MKLN1: variants seen among roughly 807,000 people sequenced by gnomAD.
The protein encoded by MKLN1 is muskelin.
MKLN1 carries 18 observed loss-of-function variants against 99.0 expected under a neutral mutation model. The ratio of observed to expected loss-of-function variants is 0.18; its 90% CI spans 0.13 to 0.27. The LOEUF (loss-of-function observed/expected upper bound fraction) is 0.27. MKLN1 is among the 10% of genes least tolerant of loss of function. MKLN1 has a pLI of 1.00. For missense variants in MKLN1, 621 were observed against 875.9 expected (o/e 0.71, Z 3.67); for synonymous variants, 288 against 293.2 (o/e 0.98, Z 0.18).
At chr7:131,340,801 A>G (rs1020904284) in intron 1 of MKLN1, among the ~76,000 whole-genome samples, 9 of 152,160 alleles carry the variant, frequency 5.9e-5, no homozygotes, top group Non-Finnish European at 2.9e-5. Flanking sequence ...TACTGGCCAT[A>G]TTCAGAATGT....
At chr7:131,307,106 C>T (rs1391549174) in intron 3 of MKLN1, among the ~76,000 whole-genome samples, 1 of 151,876 alleles carries the variant, frequency 6.6e-6, no homozygotes, top group Non-Finnish European at 1.5e-5. Flanking sequence ...CTAAAAGGGG[C>T]CAAGGTACAG....
chr7:131,121,446 G>A (rs1795367394), intron 1 of MKLN1, among the ~76,000 whole-genome samples: 2 of 151,888 alleles, frequency 1.3e-5, no homozygotes, highest in Admixed American at 6.6e-5. Flanking sequence ...CCTCCATCCT[G>A]GTGAACACGG....
chr7:131,270,440 C>A (rs1457330945), intron 3 of MKLN1, among the ~76,000 whole-genome samples: 1 of 152,180 alleles, frequency 6.6e-6, no homozygotes, highest in African/African-American at 2.4e-5. Flanking sequence ...AGGCTTGTCT[C>A]GAACTCCTGA....
chr7:131,305,018 C>T (rs932382111), intron 3 of MKLN1, among the ~76,000 whole-genome samples: 3 of 152,170 alleles, frequency 2.0e-5, no homozygotes, highest in Non-Finnish European at 4.4e-5. Context: ...CATCCGTCCC[C>T]TCTGGAGGAT....
intron 3 of MKLN1, among the ~76,000 whole-genome samples, chr7:131,286,600 A>G (rs1210057491): frequency 6.6e-6 from 1 of 152,208 alleles, no homozygotes; most frequent in Non-Finnish European, 1.5e-5. Context: ...CAGATGGACA[A>G]ATGGAAGGTT....
intron 1 of MKLN1, among the ~76,000 whole-genome samples, chr7:131,349,412 G>A (rs570417241): frequency 6.6e-6 from 1 of 152,238 alleles, no homozygotes; most frequent in African/African-American, 2.4e-5. Flanking sequence ...GACCAGGATG[G>A]TCTCTATCTG....
chr7:131,126,366 C>A (rs1478500256), intron 1 of MKLN1, among the ~76,000 whole-genome samples: 2 of 152,152 alleles, frequency 1.3e-5, no homozygotes, highest in African/African-American at 2.4e-5. Context: ...TTGAATGGGG[C>A]AGACTGTCAT....
At chr7:131,392,571 A>AGG (rs1794226133) in intron 4 of MKLN1, among the ~76,000 whole-genome samples, 1 of 151,630 alleles carries the variant, frequency 6.6e-6, no homozygotes, top group African/African-American at 2.4e-5. Flanking sequence ...CAGAATAGTT[A>AGG]ATCTTGAATT....
intron 2 of MKLN1, among the ~76,000 whole-genome samples, chr7:131,166,716 G>A (rs1472372511): frequency 2.6e-5 from 4 of 151,998 alleles, no homozygotes; most frequent in South Asian, 2.1e-4. Context: ...ACAGAGTTTC[G>A]CTCTTGTTGC....
chr7:131,240,707 T>C (rs1010437226), intron 3 of MKLN1, among the ~76,000 whole-genome samples: 1 of 152,162 alleles, frequency 6.6e-6, no homozygotes, highest in African/African-American at 2.4e-5. Context: ...TTATGGCAAA[T>C]AATATTAATA....
intron 6 of MKLN1, among the ~76,000 whole-genome samples, chr7:131,404,784 A>G (rs1794652617): frequency 6.6e-6 from 1 of 151,474 alleles, no homozygotes; most frequent in African/African-American, 2.4e-5. Context: ...TTTTGTAGAG[A>G]TGGGGTTTTG....
At chr7:131,368,954 A>C (rs1800262242) in intron 1 of MKLN1, among the ~76,000 whole-genome samples, 1 of 152,082 alleles carries the variant, frequency 6.6e-6, no homozygotes, top group Non-Finnish European at 1.5e-5. Flanking sequence ...TACTTACTTT[A>C]TATAATTTGA....
intron 2 of MKLN1, among the ~76,000 whole-genome samples, chr7:131,166,234 A>T (rs1218290931): frequency 6.6e-6 from 1 of 152,166 alleles, no homozygotes; most frequent in Non-Finnish European, 1.5e-5. Context: ...GTAAAAGATT[A>T]CTATGGTTTT....
At chr7:131,447,712 A>G (rs529504703) in intron 12 of MKLN1, among the ~76,000 whole-genome samples, 10 of 152,334 alleles carry the variant, frequency 6.6e-5, no homozygotes, top group Admixed American at 2.0e-4. Flanking sequence ...ACAGTCTCTC[A>G]AAGTGCTTAT....
chr7:131,219,715 T>C (rs1394832202), intron 3 of MKLN1, among the ~76,000 whole-genome samples: 1 of 152,158 alleles, frequency 6.6e-6, no homozygotes, highest in East Asian at 1.9e-4. Context: ...GTAATTAGCA[T>C]GGATTTGCAA....
At chr7:131,334,654 A>AT (rs1342968362) in intron 1 of MKLN1, among the ~76,000 whole-genome samples, 1 of 152,192 alleles carries the variant, frequency 6.6e-6, no homozygotes, top group African/African-American at 2.4e-5. Flanking sequence ...ATTTAAATAG[A>AT]TTTTTAATAA....
intron 7 of MKLN1, among the ~76,000 whole-genome samples, chr7:131,411,652 A>G (rs1259889822): frequency 6.6e-6 from 1 of 151,946 alleles, no homozygotes; most frequent in Non-Finnish European, 1.5e-5. Context: ...CACACCTATA[A>G]TCCCAACACT....
chr7:131,452,280 A>G (rs1796200951), intron 12 of MKLN1, among the ~76,000 whole-genome samples: 1 of 152,194 alleles, frequency 6.6e-6, no homozygotes, highest in Admixed American at 6.5e-5. Flanking sequence ...GGACCAGTTG[A>G]TCATAAGACC....
chr7:131,233,405 T>TAAATAAATAAAA, intron 3 of MKLN1, among the ~76,000 whole-genome samples: 1 of 145,014 alleles, frequency 6.9e-6, no homozygotes, highest in Non-Finnish European at 1.5e-5. Flanking sequence ...AATAAATAAA[T>TAAATAAATAAAA]AAAAATAAAG....
Sources: gnomAD v4.1 joint callset for allele counts (sites outside exome capture counted in the v4.1 genomes callset) on GRCh38, gnomAD v4.1.1 for gene constraint, MANE v1.5 for transcripts, NCBI Gene and HGNC (gene_info 2026-07-23, HGNC 2026-07-21) for gene names.